The following BANF2 variants were observed in gnomAD, a reference collection of about 807,000 sequenced individuals.
The protein encoded by BANF2 is barrier-to-autointegration factor-like protein.
In BANF2, 4 loss-of-function variants were observed where a neutral mutation model predicts 8.0. That is an observed-to-expected ratio of 0.50 (90% CI 0.25 to 1.14). The LOEUF is 1.14. BANF2 is among the 50% of genes most tolerant of loss of function. The probability of loss-of-function intolerance (pLI) is 0.16; values close to 1 mark genes in which losing one functional copy is unlikely to be tolerated. For missense variants in BANF2, 96 were observed against 107.5 expected, an observed-to-expected ratio of 0.89 and a Z score of 0.47; for synonymous variants, 50 against 40.6, an observed-to-expected ratio of 1.23 and a Z score of -0.88.
chr20:17,693,738 C>T (rs374805806), intron 1 of BANF2: 142 of 1,550,634 alleles, frequency 9.2e-5, no homozygotes, highest in East Asian at 5.6e-4. Context: ...TCCTTGCTCA[C>T]GGTGGGGAAG....
chr20:17,695,599 A>G (rs545870255), upstream of BANF2, among the ~76,000 whole-genome samples: 61 of 139,132 alleles, frequency 4.4e-4, 1 homozygote, highest in African/African-American at 1.6e-3. Context: ...AGAAAAACCT[A>G]GGGTGTGTGT....
At chr20:17,716,629 C>G (rs1267287296) in intron 1 of BANF2, among the ~76,000 whole-genome samples, 1 of 151,020 alleles carries the variant, frequency 6.6e-6, no homozygotes, top group Non-Finnish European at 1.5e-5. Flanking sequence ...TTTGGGAGGC[C>G]GAGGAGGGTG....
intron 2 of BANF2, 110 bp from the exon 3 acceptor site, chr20:17,724,913 C>T: frequency 8.8e-7 from 1 of 1,138,200 alleles, no homozygotes; most frequent in Non-Finnish European, 1.2e-6. Flanking sequence ...AGGAATTCTG[C>T]CATCTGTTGC....
intron 1 of BANF2, among the ~76,000 whole-genome samples, chr20:17,713,293 T>C (rs746691170): frequency 4.0e-5 from 6 of 151,892 alleles, no homozygotes; most frequent in African/African-American, 7.3e-5. Flanking sequence ...TCCTGTTGCA[T>C]GGATGCACCT....
At chr20:17,727,785 C>T (rs943177803) in intron 3 of BANF2, among the ~76,000 whole-genome samples, 3 of 152,114 alleles carry the variant, frequency 2.0e-5, no homozygotes, top group Non-Finnish European at 2.9e-5. Context: ...CATTGTATTG[C>T]GCAGGCTGGG....
intron 1 of BANF2, among the ~76,000 whole-genome samples, chr20:17,711,009 A>T (rs188876722): frequency 6.6e-6 from 1 of 152,316 alleles, no homozygotes; most frequent in East Asian, 1.9e-4. Flanking sequence ...AACAAGAAAA[A>T]GCCCCTTCTG....
intron 1 of BANF2, among the ~76,000 whole-genome samples, chr20:17,707,395 A>G (rs944885182): frequency 3.3e-5 from 5 of 151,752 alleles, no homozygotes; most frequent in African/African-American, 1.2e-4. Flanking sequence ...AAAAAAGAAA[A>G]TCCCAGTAAG....
upstream of BANF2, among the ~76,000 whole-genome samples, chr20:17,699,170 C>A (rs1406250456): frequency 1.3e-5 from 2 of 152,180 alleles, 1 homozygote; most frequent in African/African-American, 4.8e-5. Flanking sequence ...TAGGGCCACC[C>A]AACAGTTTCC....
At chr20:17,699,602 C>T (rs2037380710), upstream of BANF2, among the ~76,000 whole-genome samples, 1 of 152,192 alleles carries the variant, frequency 6.6e-6, no homozygotes, top group Non-Finnish European at 1.5e-5. Flanking sequence ...TGGGGGTACC[C>T]ACGGAAGTCA....
At chr20:17,712,765 C>T (rs959392751) in intron 1 of BANF2, among the ~76,000 whole-genome samples, 28 of 151,950 alleles carry the variant, frequency 1.8e-4, no homozygotes, top group Admixed American at 2.6e-4. Context: ...CAGAGAGAGG[C>T]GGGATCAGAA....
At chr20:17,707,195 A>G (rs2037493502) in intron 1 of BANF2, among the ~76,000 whole-genome samples, 1 of 151,288 alleles carries the variant, frequency 6.6e-6, no homozygotes, top group Non-Finnish European at 1.5e-5. Flanking sequence ...CATCCTGGCT[A>G]ACACAGTGAA....
upstream of BANF2, among the ~76,000 whole-genome samples, chr20:17,698,239 G>A (rs180675617): frequency 1.3e-5 from 2 of 151,696 alleles, no homozygotes; most frequent in Admixed American, 6.6e-5. Context: ...AAAAAAAAAG[G>A]TGTGTGGTAC....
At chr20:17,732,665 C>T (rs1044904033) in intron 3 of BANF2, among the ~76,000 whole-genome samples, 1 of 152,180 alleles carries the variant, frequency 6.6e-6, no homozygotes, top group Admixed American at 6.5e-5. Context: ...CGAGCCCCCC[C>T]TCTTACAGCT....
At chr20:17,698,247 TA>T (rs138494527), upstream of BANF2, among the ~76,000 whole-genome samples, 674 of 151,968 alleles carry the variant, frequency 4.4e-3, 8 homozygotes, top group East Asian at 0.04. Context: ...AGGTGTGTGG[TA>T]CCTCCCTTGC....
At chr20:17,731,468 C>A (rs1327234861) in intron 3 of BANF2, 1 of 152,112 alleles carries the variant, frequency 6.6e-6, no homozygotes, top group Non-Finnish European at 1.5e-5. Context: ...CAAGAGAGGG[C>A]AGAGACAGCT....
upstream of BANF2, among the ~76,000 whole-genome samples, chr20:17,697,760 C>T (rs376788105): frequency 6.6e-6 from 1 of 152,138 alleles, no homozygotes; most frequent in Admixed American, 6.5e-5. Context: ...TTTGAATATT[C>T]GTCCCCTCCA....
intron 1 of BANF2, among the ~76,000 whole-genome samples, chr20:17,711,614 A>T (rs2037574849): frequency 6.6e-6 from 1 of 152,140 alleles, no homozygotes; most frequent in African/African-American, 2.4e-5. Flanking sequence ...GAATGGTACC[A>T]GGGAGTTGGC....
chr20:17,723,087 C>T (rs6105796), intron 2 of BANF2, among the ~76,000 whole-genome samples: 1 of 152,142 alleles, frequency 6.6e-6, no homozygotes, highest in Non-Finnish European at 1.5e-5. Context: ...TGGGTCATTC[C>T]TGTATCATAG....
chr20:17,711,385 C>T (rs780125111), intron 1 of BANF2, among the ~76,000 whole-genome samples: 1 of 152,236 alleles, frequency 6.6e-6, no homozygotes, highest in Non-Finnish European at 1.5e-5. Flanking sequence ...AAAGAAAATA[C>T]GATTCTTTAT....
Sources: gnomAD v4.1 joint callset for allele counts (sites outside exome capture counted in the v4.1 genomes callset) on GRCh38, gnomAD v4.1.1 for gene constraint, MANE v1.5 for transcripts, NCBI Gene and HGNC (gene_info 2026-07-23, HGNC 2026-07-21) for gene names.